NEDD4L: variants seen among roughly 807,000 people sequenced by gnomAD.
NEDD4L encodes NEDD4 like E3 ubiquitin protein ligase.
Under a neutral mutation model 148.9 loss-of-function variants are expected in NEDD4L, and 54 were observed. The ratio of observed to expected loss-of-function variants is 0.36; its 90% CI spans 0.29 to 0.45. NEDD4L has a LOEUF of 0.45. NEDD4L is among the 20% of genes least tolerant of loss of function. NEDD4L has a pLI of 1.00. For synonymous variants in NEDD4L, 433 were observed against 440.7 expected (o/e 0.98, Z 0.22); for missense variants, 856 against 1,233.8 (o/e 0.69, Z 4.59).
intron 1 of NEDD4L, among the ~76,000 whole-genome samples, chr18:58,087,970 C>T (rs1000701494): frequency 1.1e-4 from 16 of 152,246 alleles, no homozygotes; most frequent in Non-Finnish European, 2.4e-4. Flanking sequence ...CAGTATGTCT[C>T]AGGGTTTCCT....
intron 2 of NEDD4L, among the ~76,000 whole-genome samples, chr18:58,189,073 A>G (rs1166223748): frequency 2.6e-5 from 4 of 151,978 alleles, no homozygotes; most frequent in African/African-American, 4.8e-5. Context: ...TCCTCATCCA[A>G]TATCTGGTGA....
At chr18:58,084,788 G>T (rs1022404465) in intron 1 of NEDD4L, among the ~76,000 whole-genome samples, 5 of 151,632 alleles carry the variant, frequency 3.3e-5, no homozygotes, top group African/African-American at 1.2e-4. Context: ...TCAACTTCCT[G>T]GGCTCAAGAG....
At chr18:58,096,902 A>C (rs560863260) in intron 1 of NEDD4L, among the ~76,000 whole-genome samples, 20 of 152,286 alleles carry the variant, frequency 1.3e-4, no homozygotes, top group Admixed American at 3.9e-4. Context: ...AATCTTTATC[A>C]TTGTGCTAAA....
chr18:58,141,301 A>G (rs1278995893), intron 1 of NEDD4L, among the ~76,000 whole-genome samples: 1 of 152,224 alleles, frequency 6.6e-6, no homozygotes, highest in African/African-American at 2.4e-5. Flanking sequence ...AGTTATTCAG[A>G]TTAGAGAAAA....
At chr18:58,177,708 T>C (rs1170301425) in intron 2 of NEDD4L, among the ~76,000 whole-genome samples, 1 of 152,198 alleles carries the variant, frequency 6.6e-6, no homozygotes, top group Non-Finnish European at 1.5e-5. Context: ...TTGAATCCAT[T>C]TGGGAAACAT....
chr18:58,120,448 C>G (rs564408071), intron 1 of NEDD4L, among the ~76,000 whole-genome samples: 4 of 152,266 alleles, frequency 2.6e-5, no homozygotes, highest in African/African-American at 9.6e-5. Flanking sequence ...AGTACAATGC[C>G]CAGCTCATAA....
chr18:58,291,283 C>A (rs1289779421), intron 5 of NEDD4L, among the ~76,000 whole-genome samples: 1 of 152,232 alleles, frequency 6.6e-6, no homozygotes, highest in East Asian at 1.9e-4. Flanking sequence ...TCACAGCCCC[C>A]ACTCAGAGGT....
chr18:58,110,060 G>C (rs1166358317), intron 1 of NEDD4L, among the ~76,000 whole-genome samples: 1 of 152,020 alleles, frequency 6.6e-6, no homozygotes, highest in East Asian at 1.9e-4. Flanking sequence ...CTGCCCTAGG[G>C]CTGCCCTACA....
chr18:58,067,226 A>G (rs376102906), intron 1 of NEDD4L, among the ~76,000 whole-genome samples: 50 of 152,308 alleles, frequency 3.3e-4, no homozygotes, highest in African/African-American at 1.1e-3. Context: ...AGCAGAATGC[A>G]GTCCTAGTTT....
intron 1 of NEDD4L, among the ~76,000 whole-genome samples, chr18:58,121,050 C>T (rs766100705): frequency 3.9e-5 from 6 of 152,112 alleles, no homozygotes; most frequent in Non-Finnish European, 8.8e-5. Flanking sequence ...TTTAATTTAG[C>T]CAAAGGAAGA....
chr18:58,252,599 C>A lies in NEDD4L; in HGVS notation c.297+545C>A, dbSNP rs77573379. Among the ~76,000 whole-genome samples the A allele has an allele frequency of 8.3e-3, 1,256 of 152,216 alleles. 8 individuals are homozygous for A. Among genetic ancestry groups the A allele is most frequent in the Non-Finnish European group, 0.014 (920 of 68,002 alleles). On this transcript the variant is annotated intron_variant, in intron 5 of 30. Coordinates refer to ENST00000400345, the MANE Select transcript of NEDD4L (RefSeq NM_001144967.3). ...ACCTTAGAAAGTACCTTTAAAGAAA[C>A]AAAGATATGCCTGAGGCATATAACA... is the stretch of plus-strand genomic sequence containing the variant.
intron 2 of NEDD4L, among the ~76,000 whole-genome samples, chr18:58,211,561 A>C (rs1013143731): frequency 6.6e-6 from 1 of 152,252 alleles, no homozygotes; most frequent in African/African-American, 2.4e-5. Flanking sequence ...ATTAATAAGT[A>C]AATTTCTTGT....
Position 58,095,509 on chromosome 18 carries a change from A to G in NEDD4L, c.48+50801A>G, listed in dbSNP as rs150496895. Among the ~76,000 whole-genome samples, 361 of 131,718 alleles carry G rather than the reference A, an allele frequency of 2.7e-3. 2 individuals are homozygous for G. Among genetic ancestry groups the G allele is most frequent in the African/African-American group, 0.011 (331 of 30,704 alleles). The allele number at this position is 131,718 out of a possible 152,430, so 86.4% of individuals were successfully genotyped here. A position where few individuals can be genotyped will look rare whatever the true frequency, so the allele number is the denominator to read the frequency against. ...GGCCTGGACAGGAAGATGGGACTGG[A>G]ATGCAGAGGGGCCTTGCAGGGCTCA... On this transcript the variant is annotated intron_variant, in intron 1 of 30. Transcript: ENST00000400345.
intron 16 of NEDD4L, 102 bp downstream of exon 16, chr18:58,343,205 A>C: frequency 9.4e-7 from 1 of 1,060,664 alleles, no homozygotes; most frequent in Admixed American, 2.7e-5. Flanking sequence ...AATTGGATTG[A>C]CTGTAAAGGG....
chr18:58,266,893 T>C (rs576475164), intron 5 of NEDD4L, among the ~76,000 whole-genome samples: 3 of 152,234 alleles, frequency 2.0e-5, no homozygotes, highest in African/African-American at 7.2e-5. Flanking sequence ...TAAGAGATCA[T>C]TATTCTCTGC....
chr18:58,253,234 T>G (rs1400277837), intron 5 of NEDD4L, among the ~76,000 whole-genome samples: 1 of 152,200 alleles, frequency 6.6e-6, no homozygotes, highest in Non-Finnish European at 1.5e-5. Context: ...AAGAACCAGG[T>G]CTAGAGCCTT....
At chr18:58,377,656 G>A (rs1013263987) in intron 24 of NEDD4L, among the ~76,000 whole-genome samples, 7 of 152,242 alleles carry the variant, frequency 4.6e-5, no homozygotes, top group African/African-American at 1.2e-4. Flanking sequence ...TGCCCCCACC[G>A]GGAGGAGGGG....
intron 2 of NEDD4L, among the ~76,000 whole-genome samples, chr18:58,240,637 T>A (rs1428459020): frequency 6.6e-6 from 1 of 152,146 alleles, no homozygotes; most frequent in Non-Finnish European, 1.5e-5. Context: ...TTTGGATGAG[T>A]AGTCAGTCCT....
chr18:58,326,522 A>G (rs1489828291), intron 9 of NEDD4L, among the ~76,000 whole-genome samples: 2 of 152,204 alleles, frequency 1.3e-5, no homozygotes, highest in African/African-American at 2.4e-5. Context: ...CATTGTAGCT[A>G]TTTGTAGTAA....
Sources: allele counts gnomAD v4.1 joint callset (sites outside exome capture counted in the v4.1 genomes callset), GRCh38; gene constraint gnomAD v4.1.1; transcripts MANE v1.5; gene names NCBI Gene and HGNC (gene_info 2026-07-23, HGNC 2026-07-21).